Variants in NPAS2 observed in about 807,000 individuals in gnomAD.
The protein encoded by NPAS2 is neuronal PAS domain-containing protein 2.
NPAS2 carries 23 observed loss-of-function variants against 107.5 expected under a neutral mutation model. The ratio of observed to expected loss-of-function variants is 0.21; its 90% CI spans 0.15 to 0.30. NPAS2 has a LOEUF of 0.30. Among genes scored for constraint, NPAS2 ranks in the 10% least tolerant of loss-of-function variants. The pLI, the probability that NPAS2 is intolerant of heterozygous loss-of-function variation, is 1.00. For missense variants in NPAS2, 756 were observed against 1,043.3 expected, an observed-to-expected ratio of 0.72 and a Z score of 3.79; for synonymous variants, 403 against 417.5, an observed-to-expected ratio of 0.97 and a Z score of 0.42.
At chr2:100,897,022 C>T (rs1037408547) in intron 1 of NPAS2, among the ~76,000 whole-genome samples, 6 of 152,074 alleles carry the variant, frequency 3.9e-5, no homozygotes, top group Admixed American at 6.6e-5. Context: ...ACAATCATGG[C>T]GGAAGGGGAA....
intron 1 of NPAS2, among the ~76,000 whole-genome samples, chr2:100,852,703 A>G (rs1274330809): frequency 6.6e-6 from 1 of 152,078 alleles, no homozygotes; most frequent in African/African-American, 2.4e-5. Context: ...CTACATTGCA[A>G]GAGAGATGGG....
intron 5 of NPAS2, among the ~76,000 whole-genome samples, chr2:100,940,659 C>A (rs1048020111): frequency 6.6e-6 from 1 of 152,144 alleles, no homozygotes; most frequent in East Asian, 1.9e-4. Flanking sequence ...TACATAGTTA[C>A]CCAGTTCACA....
At chr2:100,939,114 G>A (rs1203097203) in intron 5 of NPAS2, among the ~76,000 whole-genome samples, 1 of 152,118 alleles carries the variant, frequency 6.6e-6, no homozygotes, top group Non-Finnish European at 1.5e-5. Context: ...TGATGGCCCA[G>A]GGCTCCACAT....
At chr2:100,961,790 G>A (rs1159704844) in intron 7 of NPAS2, among the ~76,000 whole-genome samples, 1 of 152,172 alleles carries the variant, frequency 6.6e-6, no homozygotes, top group Non-Finnish European at 1.5e-5. Flanking sequence ...CAGAGCACAG[G>A]AATGTAACAG....
At chr2:100,888,061 G>A (rs1395290301) in intron 1 of NPAS2, among the ~76,000 whole-genome samples, 1 of 152,202 alleles carries the variant, frequency 6.6e-6, no homozygotes, top group African/African-American at 2.4e-5. Context: ...TTAGGGCCCA[G>A]CACCCAGGAT....
intron 10 of NPAS2, among the ~76,000 whole-genome samples, chr2:100,966,382 G>C (rs771525312): frequency 6.6e-6 from 1 of 152,076 alleles, no homozygotes; most frequent in Non-Finnish European, 1.5e-5. Context: ...TGGGGGATGG[G>C]ACTTACGATG....
At chr2:100,974,755 C>A in intron 12 of NPAS2, 48 bp from the exon 13 acceptor site, 1 of 1,580,052 alleles carries the variant, frequency 6.3e-7, no homozygotes, top group Non-Finnish European at 8.6e-7. Flanking sequence ...CCCACTGATT[C>A]TTTCCTCTTG....
chr2:100,949,523 A>G (rs1219944894), intron 7 of NPAS2, 43 bp downstream of exon 7: 1 of 1,164,134 alleles, frequency 8.6e-7, no homozygotes, highest in South Asian at 1.2e-5. Context: ...GTCTTTTCTC[A>G]TGCAAACGTG....
At chr2:100,841,145 A>G (rs1003974234) in intron 1 of NPAS2, among the ~76,000 whole-genome samples, 3 of 152,074 alleles carry the variant, frequency 2.0e-5, no homozygotes, top group African/African-American at 2.4e-5. Context: ...TTACTGTTCA[A>G]TTTTCTAGAC....
chr2:100,882,438 T>C (rs1292657791), intron 1 of NPAS2, among the ~76,000 whole-genome samples: 1 of 152,012 alleles, frequency 6.6e-6, no homozygotes, highest in East Asian at 1.9e-4. Context: ...TGAAACCCCA[T>C]CTCTACTAAA....
chr2:100,882,562 G>A (rs1014808300), intron 1 of NPAS2, among the ~76,000 whole-genome samples: 13 of 152,210 alleles, frequency 8.5e-5, no homozygotes, highest in Non-Finnish European at 1.3e-4. Flanking sequence ...GCAGTGAGCC[G>A]AGATCGCACC....
intron 2 of NPAS2, among the ~76,000 whole-genome samples, chr2:100,911,541 G>A (rs182648136): frequency 1.9e-4 from 29 of 151,720 alleles, no homozygotes; most frequent in Admixed American, 4.6e-4. Flanking sequence ...TCTCCTGCCC[G>A]GCCACAAAGA....
intron 1 of NPAS2, among the ~76,000 whole-genome samples, chr2:100,842,490 G>A (rs905166949): frequency 9.2e-5 from 14 of 152,156 alleles, no homozygotes; most frequent in Admixed American, 7.2e-4. Flanking sequence ...TGCTGCTGCA[G>A]TTACTCTGGC....
At chr2:100,957,802 C>T (rs533720866) in intron 7 of NPAS2, among the ~76,000 whole-genome samples, 34 of 152,186 alleles carry the variant, frequency 2.2e-4, no homozygotes, top group Non-Finnish European at 4.1e-4. Flanking sequence ...ATGGCAGGTG[C>T]CTGTAGTCCC....
chr2:100,990,194 C>A, intron 17 of NPAS2, 62 bp from the exon 18 acceptor site: 3 of 1,523,548 alleles, frequency 2.0e-6, no homozygotes. Context: ...TGGGAGGTTT[C>A]CTGGAGAGAT....
chr2:100,967,204 T>C (rs1346152967), intron 10 of NPAS2, among the ~76,000 whole-genome samples: 2 of 149,232 alleles, frequency 1.3e-5, no homozygotes, highest in Non-Finnish European at 1.5e-5. Flanking sequence ...GCTTATCTCC[T>C]CTTCAGATAA....
intron 19 of NPAS2, among the ~76,000 whole-genome samples, chr2:100,992,593 T>C (rs987578068): frequency 7.2e-5 from 11 of 152,228 alleles, no homozygotes; most frequent in Non-Finnish European, 1.0e-4. Context: ...TGAAGTTACT[T>C]CCTGGTTTTT....
At chr2:100,929,165 A>C (rs576820848) in intron 3 of NPAS2, among the ~76,000 whole-genome samples, 1 of 152,338 alleles carries the variant, frequency 6.6e-6, no homozygotes, top group African/African-American at 2.4e-5. Flanking sequence ...TTGGCCTCCC[A>C]AAGTGCTGGG....
intron 2 of NPAS2, among the ~76,000 whole-genome samples, chr2:100,915,276 A>ATCTTCCTACT (rs1406292214): frequency 3.9e-5 from 6 of 152,114 alleles, no homozygotes; most frequent in Non-Finnish European, 7.4e-5. Context: ...CTTGCTCTCT[A>ATCTTCCTACT]TCTTCCTACT....
Sources: gnomAD v4.1 joint callset for allele counts (sites outside exome capture counted in the v4.1 genomes callset) on GRCh38, gnomAD v4.1.1 for gene constraint, MANE v1.5 for transcripts, NCBI Gene and HGNC (gene_info 2026-07-23, HGNC 2026-07-21) for gene names.